FAM222B: variants seen among roughly 807,000 people sequenced by gnomAD.
FAM222B encodes protein FAM222B.
A neutral mutation model predicts 38.0 loss-of-function variants in FAM222B; 12 were observed. That is an observed-to-expected ratio of 0.32 (90% CI 0.20 to 0.51). FAM222B has a LOEUF of 0.51. Among genes scored for constraint, FAM222B ranks in the 20% least tolerant of loss-of-function variants. The pLI, the probability that FAM222B is intolerant of heterozygous loss-of-function variation, is 0.97. For synonymous variants in FAM222B, 329 were observed against 317.2 expected (o/e 1.04, Z -0.40); for missense variants, 716 against 754.2 (o/e 0.95, Z 0.59).
intron 1 of FAM222B, among the ~76,000 whole-genome samples, chr17:28,840,441 A>T (rs912204649): frequency 2.0e-5 from 3 of 152,144 alleles, no homozygotes; most frequent in South Asian, 2.1e-4. Flanking sequence ...TGTCTACATT[A>T]AAAAACACGT....
chr17:28,799,500 G>A (rs1305223277), intron 1 of FAM222B, among the ~76,000 whole-genome samples: 2 of 149,662 alleles, frequency 1.3e-5, no homozygotes, highest in Non-Finnish European at 3.0e-5. Flanking sequence ...TAGTAGAGAC[G>A]GGGTTTCACA....
chr17:28,828,070 T>C (rs2038503089), intron 1 of FAM222B, among the ~76,000 whole-genome samples: 1 of 145,278 alleles, frequency 6.9e-6, no homozygotes, highest in Non-Finnish European at 1.5e-5. Flanking sequence ...GGATAAGGGG[T>C]AAGGAGAAAT....
chr17:28,769,272 G>A (rs749762140), intron 1 of FAM222B, among the ~76,000 whole-genome samples: 2 of 134,894 alleles, frequency 1.5e-5, no homozygotes, highest in Middle Eastern at 5.0e-3. Context: ...CTCCGCTCCC[G>A]GGTTCACGCC....
chr17:28,806,861 A>G (rs2037518597), intron 1 of FAM222B, among the ~76,000 whole-genome samples: 1 of 152,110 alleles, frequency 6.6e-6, no homozygotes, highest in Admixed American at 6.6e-5. Flanking sequence ...GAATTCAGAG[A>G]CCTTGGCTCT....
At chr17:28,785,697 G>A (rs546402057) in intron 1 of FAM222B, among the ~76,000 whole-genome samples, 8 of 151,218 alleles carry the variant, frequency 5.3e-5, no homozygotes, top group African/African-American at 1.5e-4. Flanking sequence ...CACCATGCCC[G>A]GCTATTTTTT....
chr17:28,793,044 C>T (rs886091646), intron 1 of FAM222B, among the ~76,000 whole-genome samples: 12 of 151,792 alleles, frequency 7.9e-5, no homozygotes, highest in African/African-American at 2.9e-4. Context: ...TCTTCCCCAA[C>T]CCCCAACACC....
At chr17:28,784,725 G>A (rs908630549) in intron 1 of FAM222B, among the ~76,000 whole-genome samples, 1 of 151,884 alleles carries the variant, frequency 6.6e-6, no homozygotes, top group African/African-American at 2.4e-5. Context: ...AGCTACTCAG[G>A]AGGCTGAGGC....
chr17:28,822,739 A>C (rs1196585195), intron 1 of FAM222B, among the ~76,000 whole-genome samples: 3 of 134,090 alleles, frequency 2.2e-5, no homozygotes, highest in African/African-American at 8.4e-5. Context: ...GGAGGTGGAG[A>C]TTGCACTGAG....
rs144723098 is a variant in FAM222B at position 28,756,537 on chromosome 17, G to T, written c.*1733C>A. Reference sequence around the variant, plus strand: ...TGCTCTTTAAATCTGACTCAGAAAAGCAGGAACTGGAAGAGGGCCCTGGGT... The same window carrying T: ...TGCTCTTTAAATCTGACTCAGAAAATCAGGAACTGGAAGAGGGCCCTGGGT... On this transcript the variant is annotated 3_prime_UTR_variant, in exon 3 of 3. Coordinates refer to ENST00000581407, the MANE Select transcript of FAM222B (RefSeq NM_001077498.3). 6.6e-6 allele frequency: 1 copy of T among 152,530 alleles called. No homozygotes were observed. The allele number at this position is 152,530 out of a possible 1,614,324, so 9.4% of individuals were successfully genotyped here. A position where few individuals can be genotyped will look rare whatever the true frequency, so the allele number is the denominator to read the frequency against.
At chr17:28,787,069 C>T (rs1275402698) in intron 1 of FAM222B, among the ~76,000 whole-genome samples, 1 of 151,964 alleles carries the variant, frequency 6.6e-6, no homozygotes, top group African/African-American at 2.4e-5. Context: ...AGACTACAGG[C>T]GCCCGCAACC....
At chr17:28,844,776 C>A (rs780630802), upstream of FAM222B, among the ~76,000 whole-genome samples, 5 of 151,882 alleles carry the variant, frequency 3.3e-5, no homozygotes, top group Middle Eastern at 6.8e-3. Flanking sequence ...CCAGCCTGGG[C>A]AACATAGGGA....
chr17:28,852,275 G>T (rs1341917237), intron 1 of FAM222B, among the ~76,000 whole-genome samples: 1 of 151,888 alleles, frequency 6.6e-6, no homozygotes, highest in Non-Finnish European at 1.5e-5. Context: ...GCTGAGGCAG[G>T]AGAATGGCCT....
chr17:28,811,592 CTT>C (rs2037770749), intron 1 of FAM222B, among the ~76,000 whole-genome samples: 1 of 152,148 alleles, frequency 6.6e-6, no homozygotes, highest in Admixed American at 6.5e-5. Context: ...AAAGATAAGA[CTT>C]TTAAGTTTCA....
In FAM222B at chr17:28,757,680, G is replaced by GC. The variant is rs1364789703; in HGVS notation, c.*589dup. ...GCCCTTGAGATCAAGTGTGGCAAGG[G>GC]CAAGTGCAGTGGCTGTGGGATCAAT... On this transcript the variant is annotated 3_prime_UTR_variant, in exon 3 of 3. Transcript: ENST00000581407. The GC allele has an allele frequency of 2.0e-5, 3 of 152,186 alleles. No individual in the cohort carries two copies. Among genetic ancestry groups the GC allele is most frequent in the African/African-American group, 7.2e-5 (3 of 41,434 alleles). 9.4% of individuals were successfully genotyped at this position (152,186 alleles called of 1,614,324 possible).
intron 1 of FAM222B, among the ~76,000 whole-genome samples, chr17:28,768,407 A>C (rs2035443977): frequency 6.6e-6 from 1 of 152,224 alleles, no homozygotes; most frequent in African/African-American, 2.4e-5. Flanking sequence ...GCAACTGCAG[A>C]AAGAACTGAA....
chr17:28,830,990 CTTTTTTTTTTTTT>C (rs56073818), intron 1 of FAM222B, among the ~76,000 whole-genome samples: 5 of 117,810 alleles, frequency 4.2e-5, no homozygotes, highest in African/African-American at 1.3e-4. Context: ...GTGAATGTTT[CTTTTTTTTTTTTT>C]TTTTTTTTTT....
chr17:28,782,412 C>T (rs948406424), intron 1 of FAM222B, among the ~76,000 whole-genome samples: 7 of 152,172 alleles, frequency 4.6e-5, no homozygotes, highest in African/African-American at 9.6e-5. Context: ...CACTGCAGTG[C>T]TGTTCATAAT....
chr17:28,775,189 C>A (rs2035827473), intron 1 of FAM222B, among the ~76,000 whole-genome samples: 1 of 151,412 alleles, frequency 6.6e-6, no homozygotes, highest in African/African-American at 2.4e-5. Context: ...TTAGTACAAA[C>A]AGGGTTTCAC....
intron 1 of FAM222B, among the ~76,000 whole-genome samples, chr17:28,829,961 T>C (rs1243235925): frequency 1.3e-5 from 2 of 151,896 alleles, no homozygotes; most frequent in Non-Finnish European, 2.9e-5. Flanking sequence ...GAAATTCTCC[T>C]GCCTCAGCCT....
Sources: allele counts gnomAD v4.1 joint callset (sites outside exome capture counted in the v4.1 genomes callset), GRCh38; gene constraint gnomAD v4.1.1; transcripts MANE v1.5; gene names NCBI Gene and HGNC (gene_info 2026-07-23, HGNC 2026-07-21).